Variants in PRDM15 observed in about 807,000 individuals in gnomAD.
The protein encoded by PRDM15 is PR domain zinc finger protein 15.
A neutral mutation model predicts 128.6 loss-of-function variants in PRDM15; 64 were observed. That is an observed-to-expected ratio of 0.50 (90% CI 0.41 to 0.61). The LOEUF is 0.61. Ranked by LOEUF, PRDM15 falls within the 20% of genes least tolerant of loss-of-function variation. The pLI, the probability that PRDM15 is intolerant of heterozygous loss-of-function variation, is 0.00. For missense variants in PRDM15, 1,242 were observed against 1,569.1 expected (o/e 0.79, Z 3.52); for synonymous variants, 615 against 621.8 (o/e 0.99, Z 0.16).
intron 18 of PRDM15, 97 bp downstream of exon 18, chr21:41,819,485 T>TAC: frequency 2.2e-5 from 14 of 648,886 alleles, no homozygotes; most frequent in Non-Finnish European, 3.2e-5. Flanking sequence ...ACACCCACCT[T>TAC]CCCCACACTC....
chr21:41,818,754 C>G (rs2062142702), intron 18 of PRDM15, among the ~76,000 whole-genome samples: 1 of 151,796 alleles, frequency 6.6e-6, no homozygotes, highest in Non-Finnish European at 1.5e-5. Context: ...ACCTGCTGCT[C>G]CAAAACTTTT....
Position 41,821,205 on chromosome 21 carries a change from T to C in PRDM15, c.1922A>G (p.Tyr641Cys). The change falls in exon 16 of 24, where the codon TAC (tyrosine) becomes TGC (cysteine). Residue 641 changes from tyrosine to cysteine, a missense_variant. This residue lies in a region of PRDM15 where 602 missense variants were observed against 788.3 expected (regional missense o/e 0.76). Transcript: ENST00000398548. This position sits in a 1 kb window ranked among gnomAD's most constrained non-coding sequence, Gnocchi z 5.4. ...CQLTFGRGKE[Y>C]LKHIMEVHKE... ...GTGCACCTCCATGATGTGCTTCAGGTACTCCTTCCCCCGGCCGAAGGTGAG... is the reference window on the plus strand; with the variant it reads ...GTGCACCTCCATGATGTGCTTCAGGCACTCCTTCCCCCGGCCGAAGGTGAG... 1 of 1,614,072 alleles carries C rather than the reference T, an allele frequency of 6.2e-7. No individual in the cohort carries two copies. The highest frequency in any genetic ancestry group is 8.5e-7 in the Non-Finnish European group (1 of 1,180,000).
intron 16 of PRDM15, 100 bp downstream of exon 16, chr21:41,820,967 G>T (rs2146385353): frequency 1.4e-6 from 2 of 1,474,626 alleles, no homozygotes; most frequent in East Asian, 2.3e-5. Context: ...GACATCACTT[G>T]TTGGAAGCTA....
rs751414656 is a variant in PRDM15, at chr21:41,823,330, A to G, written c.1749T>C (p.His583=). The G allele has an allele frequency of 2.5e-6, 4 of 1,608,508 alleles. No homozygotes were observed. The highest frequency in any genetic ancestry group is 1.3e-5 in the African/African-American group (1 of 74,808). The change falls in exon 14 of 24, where the codon CAT becomes CAC. Residue 583 remains histidine, a synonymous_variant. Transcript: ENST00000398548. ...FRVDVLRDHI[H]VHFKDIALMD... ...ACGCGATCGACACCTTGAAGTGGAC[A>G]TGGATGTGGTCCCTGAGCACATCCA...
chr21:41,876,172 A>G (rs2064406984), intron 1 of PRDM15, among the ~76,000 whole-genome samples: 1 of 152,254 alleles, frequency 6.6e-6, no homozygotes, highest in Non-Finnish European at 1.5e-5. Context: ...CAGTGTGACT[A>G]CAATTGGAAC....
chr21:41,857,965 C>T (rs938912237), intron 3 of PRDM15, among the ~76,000 whole-genome samples: 6 of 152,114 alleles, frequency 3.9e-5, no homozygotes, highest in South Asian at 2.1e-4. Context: ...TTTAATTCCC[C>T]GTGGGAAAGA....
At chr21:41,830,147 C>A (rs2062632902) in intron 11 of PRDM15, among the ~76,000 whole-genome samples, 1 of 150,756 alleles carries the variant, frequency 6.6e-6, no homozygotes, top group African/African-American at 2.4e-5. Context: ...AACACACACC[C>A]CACACAAATA....
At chr21:41,822,122 T>A in intron 14 of PRDM15, 85 bp from the exon 15 acceptor site, 2 of 1,574,832 alleles carry the variant, frequency 1.3e-6, no homozygotes, top group Non-Finnish European at 1.7e-6. Flanking sequence ...GACCAATCAT[T>A]TCCCCAGATG....
At chr21:41,869,508 G>A (rs2064137357) in intron 1 of PRDM15, among the ~76,000 whole-genome samples, 1 of 150,454 alleles carries the variant, frequency 6.6e-6, no homozygotes, top group African/African-American at 2.5e-5. Context: ...GTCCAATGGT[G>A]CGATCTCGGC....
rs560170972 is a variant in PRDM15, at chr21:41,873,208, C to T, written c.-10+6062G>A. On this transcript the variant is annotated intron_variant, in intron 1 of 23. Transcript: ENST00000398548. ...CTGCATGTGAAGCTGTTTCCTGAGC[C>T]TCGTTGCTCCCCTTTCCTTAGTCTA... is the stretch of plus-strand genomic sequence containing the variant. 2.0e-5 allele frequency among the ~76,000 whole-genome samples: 3 copies of T among 152,328 alleles called. No individual in the cohort carries two copies. In the East Asian group the frequency reaches 5.8e-4, roughly 29 times the overall value.
rs2061850400 is a variant in PRDM15, at chr21:41,811,148, A to C, written c.2393-312T>G. On this transcript the variant is annotated intron_variant, in intron 19 of 23. Coordinates refer to ENST00000398548, the MANE Select transcript of PRDM15 (RefSeq NM_001040424.3). The surrounding 1 kb of genome is among the most constrained non-coding windows in gnomAD (Gnocchi z 4.1). ...AAAACGATAGGAATTTCTTTAAAGC[A>C]TTAATGTATCCACACCTCCCTTAGT... 5.6e-6 allele frequency: 2 copies of C among 358,498 alleles called. No individual in the cohort carries two copies. Among genetic ancestry groups the C allele is most frequent in the East Asian group, 1.2e-4 (2 of 17,312 alleles). 22.2% of individuals were successfully genotyped at this position (358,498 alleles called of 1,614,324 possible).
chr21:41,878,815 C>T, intron 1 of PRDM15: 1 of 1,171,700 alleles, frequency 8.5e-7, no homozygotes, highest in Non-Finnish European at 1.1e-6. Flanking sequence ...GACGACGCCG[C>T]CCGGCGGCGG....
At chr21:41,868,384 T>C (rs2064089376) in intron 1 of PRDM15, among the ~76,000 whole-genome samples, 1 of 152,170 alleles carries the variant, frequency 6.6e-6, no homozygotes, top group South Asian at 2.1e-4. Flanking sequence ...GTTAGGAGGA[T>C]GTTTCGTTTT....
intron 1 of PRDM15, among the ~76,000 whole-genome samples, chr21:41,864,078 G>A (rs542772795): frequency 6.6e-6 from 1 of 152,268 alleles, no homozygotes; most frequent in East Asian, 1.9e-4. Context: ...TCTTGACCTC[G>A]TGATCTGCCC....
intron 7 of PRDM15, among the ~76,000 whole-genome samples, chr21:41,839,122 T>C (rs1334519774): frequency 6.6e-6 from 1 of 152,198 alleles, no homozygotes; most frequent in Non-Finnish European, 1.5e-5. Flanking sequence ...AATCAAAGGA[T>C]GAGCCCTAGA....
In PRDM15 at chr21:41,801,054, C is replaced by T. The variant is rs1601712205; in HGVS notation, c.*186G>A. On this transcript the variant is annotated 3_prime_UTR_variant, in exon 24 of 24. Transcript: ENST00000398548. ...TTTAAAACTCTGGCCTGCCAGAGGT[C>T]CCTTCTAGAGTTAAGCTGACAGACC... 1.3e-6 allele frequency: 1 copy of T among 784,122 alleles called. No homozygotes were observed. Among genetic ancestry groups the T allele is most frequent in the Non-Finnish European group, 1.9e-6 (1 of 518,878 alleles). The allele number at this position is 784,122 out of a possible 1,614,324, so 48.6% of individuals were successfully genotyped here. A position where few individuals can be genotyped will look rare whatever the true frequency, so the allele number is the denominator to read the frequency against.
chr21:41,850,622 T>C (rs2063399479), intron 5 of PRDM15, among the ~76,000 whole-genome samples: 1 of 151,928 alleles, frequency 6.6e-6, no homozygotes. Flanking sequence ...TGGTCCCAGC[T>C]ACTAGGGAGG....
At chr21:41,830,146 C>A (rs1183043152) in intron 11 of PRDM15, among the ~76,000 whole-genome samples, 1 of 150,040 alleles carries the variant, frequency 6.7e-6, no homozygotes, top group African/African-American at 2.5e-5. Context: ...CAACACACAC[C>A]CCACACAAAT....
At position 41,861,970 on chromosome 21, in the gene PRDM15, A is replaced by C. The variant is rs779879786; in HGVS notation, c.-9-1598T>G. 3.7e-6 allele frequency: 6 copies of C among 1,613,804 alleles called. No individual in the cohort carries two copies. The East Asian group carries it at 1.3e-4, about 36-fold the overall frequency. ...CGTGCGGCTCTAGCAAGTGTGACTC[A>C]GTTTCATAGCCGCATTCGGCCTTGC... On this transcript the variant is annotated intron_variant, in intron 1 of 23. Coordinates refer to ENST00000398548, the MANE Select transcript of PRDM15 (RefSeq NM_001040424.3).
Sources: allele counts gnomAD v4.1 joint callset (sites outside exome capture counted in the v4.1 genomes callset), GRCh38; gene constraint gnomAD v4.1.1; regional missense constraint gnomAD v4.1.1; non-coding constraint Gnocchi (gnomAD v3.1); transcripts MANE v1.5; gene names NCBI Gene and HGNC (gene_info 2026-07-23, HGNC 2026-07-21).